RREB1: variants seen among roughly 807,000 people sequenced by gnomAD.
The protein encoded by RREB1 is ras-responsive element-binding protein 1.
In RREB1, 27 loss-of-function variants were observed where a neutral mutation model predicts 117.8. The observed-to-expected ratio is 0.23, with a 90% confidence interval of 0.17 to 0.32. The LOEUF (loss-of-function observed/expected upper bound fraction) is 0.32, where lower values mean the gene tolerates loss of function less well. Ranked by LOEUF, RREB1 falls within the 10% of genes least tolerant of loss-of-function variation. The pLI is 1.00. For synonymous variants in RREB1, 1,298 were observed against 1,026.7 expected, an observed-to-expected ratio of 1.26 and a Z score of -5.05; for missense variants, 2,577 against 2,378.2, an observed-to-expected ratio of 1.08 and a Z score of -1.74.
intron 1 of RREB1, among the ~76,000 whole-genome samples, chr6:7,154,869 G>T (rs1175463655): frequency 1.3e-5 from 2 of 152,168 alleles, no homozygotes; most frequent in Non-Finnish European, 2.9e-5. Flanking sequence ...TGGTGTGCTG[G>T]TGACAGTTCA....
chr6:7,181,052 C>G (rs1388384989), intron 2 of RREB1, 72 bp from the exon 3 acceptor site: 1 of 396,132 alleles, frequency 2.5e-6, no homozygotes, highest in Non-Finnish European at 4.4e-6. Flanking sequence ...AAGATTATAG[C>G]CAATAAATGA....
intron 1 of RREB1, among the ~76,000 whole-genome samples, chr6:7,150,622 A>G (rs1344121982): frequency 6.6e-6 from 1 of 152,224 alleles, no homozygotes; most frequent in Admixed American, 6.5e-5. Flanking sequence ...GCATACCAGA[A>G]ATAGGAATTC....
intron 1 of RREB1, among the ~76,000 whole-genome samples, chr6:7,121,776 G>A (rs1761691663): frequency 6.6e-6 from 1 of 151,428 alleles, no homozygotes. Flanking sequence ...TTTTTTTAAT[G>A]GCAAACAAAA....
chr6:7,176,975 A>C (rs1764527714), intron 2 of RREB1, among the ~76,000 whole-genome samples: 1 of 151,948 alleles, frequency 6.6e-6, no homozygotes, highest in African/African-American at 2.4e-5. Flanking sequence ...CCAGCACTTT[A>C]GGAGGCTGAG....
At chr6:7,170,600 A>T (rs918733879) in intron 1 of RREB1, among the ~76,000 whole-genome samples, 1 of 152,234 alleles carries the variant, frequency 6.6e-6, no homozygotes, top group Non-Finnish European at 1.5e-5. Flanking sequence ...TTTGCCAGCC[A>T]TGCACTGCAG....
At position 7,246,752 on chromosome 6, in the gene RREB1, C is replaced by A. The variant is rs563046127; in HGVS notation, c.4302C>A (p.Gly1434=). 4 of 1,568,272 alleles carry A rather than the reference C, an allele frequency of 2.6e-6. No individual in the cohort carries two copies. In the East Asian group the frequency reaches 9.5e-5, roughly 37 times the overall value. The change falls in exon 12 of 13, where the codon GGC becomes GGA. Residue 1434 remains glycine, a synonymous_variant. Transcript: ENST00000379938. The stretch of plus-strand genomic sequence containing the variant: ...ACTTCAAGCTGGCGGAGGGCGACGG[C>A]GAGGCAGGCGCCGGGGGCGCGGCCT... ...LMDFKLAEGD[G]EAGAGGAASQ... is the part of the protein sequence containing the mutation.
At position 7,124,310 on chromosome 6, in the gene RREB1, T is replaced by C. The variant is rs1273596880; in HGVS notation, c.-285+16250T>C. ...AGAAAAGGGGGGGAGTATATGTGTA[T>C]TGGGGAGGCGGTGTGGTTAGCATTG... On this transcript the variant is annotated intron_variant, in intron 1 of 12. Transcript: ENST00000379938. Among the ~76,000 whole-genome samples, 11 of 152,182 alleles carry C rather than the reference T, an allele frequency of 7.2e-5. 1 individual carries two copies. The highest frequency in any genetic ancestry group is 2.0e-4 in the Admixed American group (3 of 15,288).
intron 1 of RREB1, among the ~76,000 whole-genome samples, chr6:7,113,411 A>C (rs1485223143): frequency 6.6e-6 from 1 of 152,174 alleles, no homozygotes; most frequent in Admixed American, 6.5e-5. Context: ...TGGTGGTTTA[A>C]TCACTTTAAA....
In RREB1 at chr6:7,208,385, C is replaced by T. The variant is rs980539784; in HGVS notation, c.426-2419C>T. 3.3e-5 allele frequency among the ~76,000 whole-genome samples: 5 copies of T among 152,212 alleles called. No individual in the cohort carries two copies. In the East Asian group the frequency reaches 5.8e-4, roughly 18 times the overall value. Reference sequence around the variant, plus strand: ...TCTCTCACTACATCAAATCCATCGTCAGACCTGGCCGGACCCCTCCAACCC... The same window carrying T: ...TCTCTCACTACATCAAATCCATCGTTAGACCTGGCCGGACCCCTCCAACCC... On this transcript the variant is annotated intron_variant, in intron 6 of 12. Coordinates refer to ENST00000379938, the MANE Select transcript of RREB1 (RefSeq NM_001003699.4).
In RREB1 at chr6:7,197,341, G is replaced by A. The variant is rs539642554; in HGVS notation, c.425+8019G>A. On this transcript the variant is annotated intron_variant, in intron 6 of 12. Transcript: ENST00000379938. ...ATTTAAGGGCATGCTTAAGACCCTG[G>A]CAGGGGCAAGCTTTCATGACTAACT... Among the ~76,000 whole-genome samples the A allele has an allele frequency of 8.3e-4, 127 of 152,194 alleles. 1 individual carries two copies. Among genetic ancestry groups the A allele is most frequent in the Non-Finnish European group, 9.1e-4 (62 of 68,024 alleles).
intron 6 of RREB1, among the ~76,000 whole-genome samples, chr6:7,195,675 G>A (rs1765628027): frequency 6.6e-6 from 1 of 152,196 alleles, no homozygotes; most frequent in Non-Finnish European, 1.5e-5. Flanking sequence ...CCCAAGGTCT[G>A]TTGGCACCTG....
intron 1 of RREB1, among the ~76,000 whole-genome samples, chr6:7,125,812 G>A (rs1761879481): frequency 6.6e-6 from 1 of 151,908 alleles, no homozygotes; most frequent in Non-Finnish European, 1.5e-5. Context: ...TGGACTGGAG[G>A]GCAATGAGAG....
At position 7,230,163 on chromosome 6, in the gene RREB1, C is replaced by T. The variant is rs763839118; in HGVS notation, c.2064C>T (p.Arg688=). The change falls in exon 10 of 13, where the codon CGC becomes CGT. Residue 688 remains arginine (R), a synonymous_variant. Transcript: ENST00000379938. ...CCGCCGACAAGGCCGCGCTCATCCG[C>T]CACCTGCGCACGCACAGTGGGGAGC... The part of the protein sequence containing the change: ...YIAADKAALI[R]HLRTHSGERP... 3.1e-6 allele frequency: 5 copies of T among 1,606,886 alleles called. No homozygotes were observed. The South Asian group carries it at 3.3e-5, about 11-fold the overall frequency.
chr6:7,240,610 C>T lies in RREB1; in HGVS notation c.3973+8C>T, dbSNP rs369581260. On this transcript the variant is annotated splice_region_variant and intron_variant, in intron 11 of 12. Transcript: ENST00000379938. ...GATCCCATGATAGCACAGGTAGTGC[C>T]GCCAGGTGAACAAGAACCCAGGAAG... is the stretch of plus-strand genomic sequence containing the variant. 7.5e-6 allele frequency: 12 copies of T among 1,603,482 alleles called. No individual in the cohort carries two copies. Among genetic ancestry groups the T allele is most frequent in the Admixed American group, 1.7e-5 (1 of 58,954 alleles).
intron 1 of RREB1, among the ~76,000 whole-genome samples, chr6:7,127,128 T>A (rs530978444): frequency 2.6e-5 from 4 of 151,114 alleles, no homozygotes; most frequent in African/African-American, 7.3e-5. Context: ...GGCTTAGGCG[T>A]GTTGTATTGA....
intron 12 of RREB1, among the ~76,000 whole-genome samples, 167 bp downstream of exon 12, chr6:7,247,388 C>T (rs965096338): frequency 6.6e-6 from 1 of 152,098 alleles, no homozygotes; most frequent in African/African-American, 2.4e-5. Context: ...GTTGTACTCT[C>T]AGCCCTTGAA....
At chr6:7,178,413 A>G (rs756895495) in intron 2 of RREB1, among the ~76,000 whole-genome samples, 5 of 152,192 alleles carry the variant, frequency 3.3e-5, no homozygotes, top group Non-Finnish European at 7.3e-5. Context: ...GATAGGACCA[A>G]CTAATACTGG....
chr6:7,240,390 CA>C (rs751859119), intron 10 of RREB1, 47 bp from the exon 11 acceptor site: 9 of 1,513,418 alleles, frequency 5.9e-6, no homozygotes, highest in Non-Finnish European at 8.1e-6. Flanking sequence ...TTTTCTATTT[CA>C]TTGCAGTAGA....
chr6:7,233,641 TG>T (rs1397324874), intron 10 of RREB1, among the ~76,000 whole-genome samples: 1 of 152,216 alleles, frequency 6.6e-6, no homozygotes. Flanking sequence ...GTTTTTTTTG[TG>T]GGTTTTTCTT....
Sources: gnomAD v4.1 joint callset for allele counts (sites outside exome capture counted in the v4.1 genomes callset) on GRCh38, gnomAD v4.1.1 for gene constraint, MANE v1.5 for transcripts, NCBI Gene and HGNC (gene_info 2026-07-23, HGNC 2026-07-21) for gene names.